KCNQ1: variants seen among roughly 807,000 people sequenced by gnomAD.
KCNQ1 encodes the protein potassium voltage-gated channel subfamily Q member 1, also known as potassium voltage-gated channel subfamily KQT member 1.
A neutral mutation model predicts 72.4 loss-of-function variants in KCNQ1; 49 were observed. That is an observed-to-expected ratio of 0.68 (90% CI 0.54 to 0.86). KCNQ1 has a LOEUF of 0.86. KCNQ1 is among the 40% of genes least tolerant of loss of function. KCNQ1 has a pLI of 0.00. For missense variants in KCNQ1, 790 were observed against 945.1 expected (o/e 0.84, Z 2.15); for synonymous variants, 450 against 412.6 (o/e 1.09, Z -1.10).
intron 10 of KCNQ1, chr11:2,609,041 T>C (rs1190856552): frequency 5.0e-6 from 2 of 396,740 alleles, no homozygotes; most frequent in Non-Finnish European, 8.8e-6. Flanking sequence ...TCTACTCTAA[T>C]ATTTATTATT....
chr11:2,592,364 C>T lies in KCNQ1; in HGVS notation c.1393+3510C>T, dbSNP rs1487870752. 6.6e-6 allele frequency among the ~76,000 whole-genome samples: 1 copy of T among 152,120 alleles called. No homozygotes were observed. Among genetic ancestry groups the T allele is most frequent in the Admixed American group, 6.5e-5 (1 of 15,284 alleles). ...GGGAGGCTGGGAAGGTAGAAGGTCC[C>T]CCATGGTAGCATCAGAACACAGACT... On this transcript the variant is annotated intron_variant, in intron 10 of 15. Coordinates refer to ENST00000155840, the MANE Select transcript of KCNQ1 (RefSeq NM_000218.3). The surrounding 1 kb of genome is among the most constrained non-coding windows in gnomAD (Gnocchi z 5.2).
rs1848627269 is a variant in KCNQ1 at position 2,588,624 on chromosome 11, CG to C, written c.1252-85del. On this transcript the variant is annotated intron_variant, in intron 9 of 15. Coordinates refer to ENST00000155840, the MANE Select transcript of KCNQ1 (RefSeq NM_000218.3). This position sits in a 1 kb window ranked among gnomAD's most constrained non-coding sequence, Gnocchi z 5.6. ...GGGTGTATGTGGCGGGGGCTGGGCT[CG>C]GGGCGGCTGCACAGGCACTCTGGGG... is the stretch of plus-strand genomic sequence containing the variant. 2.0e-6 allele frequency: 3 copies of C among 1,536,366 alleles called. No individual in the cohort carries two copies. The highest frequency in any genetic ancestry group is 1.1e-5 in the South Asian group (1 of 88,414).
chr11:2,684,576 G>A, intron 11 of KCNQ1: 1 of 398,636 alleles, frequency 2.5e-6, no homozygotes, highest in African/African-American at 2.1e-5. Flanking sequence ...TGACTTTCTG[G>A]CAGAGGAGAG....
intron 10 of KCNQ1, chr11:2,615,587 G>A: frequency 2.5e-6 from 1 of 397,878 alleles, no homozygotes; most frequent in East Asian, 3.6e-5. Context: ...TTTTTATCCT[G>A]AAAGGTTGTA....
chr11:2,680,399 A>AT (rs754610445), intron 11 of KCNQ1: 38 of 398,054 alleles, frequency 9.5e-5, no homozygotes, highest in Non-Finnish European at 1.5e-4. Context: ...ATCCTTCCAT[A>AT]TTTTTTTAGA....
chr11:2,778,897 C>T (rs951754555), intron 15 of KCNQ1, among the ~76,000 whole-genome samples: 6 of 151,912 alleles, frequency 3.9e-5, no homozygotes, highest in Non-Finnish European at 8.8e-5. Context: ...CAGCCCGGCC[C>T]AGGCTCCTGC....
At chr11:2,718,745 C>T (rs984242480) in intron 11 of KCNQ1, among the ~76,000 whole-genome samples, 31 of 152,218 alleles carry the variant, frequency 2.0e-4, no homozygotes, top group African/African-American at 7.2e-4. Context: ...TTAATGTCCA[C>T]GCTGGTGTTG....
rs918595487 is a variant in KCNQ1 at position 2,498,287 on chromosome 11, C to T, written c.387-29641C>T. Among the ~76,000 whole-genome samples the T allele has an allele frequency of 3.9e-5, 6 of 152,228 alleles. No individual in the cohort carries two copies. Among genetic ancestry groups the T allele is most frequent in the African/African-American group, 1.2e-4 (5 of 41,458 alleles). ...TTCAAGTCTGCTGAAGCTGTGCCCACAGCCACCCCTTCTCCAGGTGCTCTG... is the reference window on the plus strand; with the variant it reads ...TTCAAGTCTGCTGAAGCTGTGCCCATAGCCACCCCTTCTCCAGGTGCTCTG... On this transcript the variant is annotated intron_variant, in intron 1 of 15. Coordinates refer to ENST00000155840, the MANE Select transcript of KCNQ1 (RefSeq NM_000218.3). This position sits in a 1 kb window ranked among gnomAD's most constrained non-coding sequence, Gnocchi z 4.8.
chr11:2,741,739 C>T (rs563368069), intron 11 of KCNQ1, among the ~76,000 whole-genome samples: 5 of 152,346 alleles, frequency 3.3e-5, no homozygotes, highest in South Asian at 2.1e-4. Flanking sequence ...GGAGCACAGC[C>T]GGCCTCCTTG....
At chr11:2,633,397 T>C (rs759523770) in intron 10 of KCNQ1, 41 of 398,466 alleles carry the variant, frequency 1.0e-4, no homozygotes, top group Admixed American at 2.6e-4. Flanking sequence ...TTGTCTATTT[T>C]TGTTTTTGTT....
At chr11:2,454,334 C>T (rs983960313) in intron 1 of KCNQ1, among the ~76,000 whole-genome samples, 4 of 151,942 alleles carry the variant, frequency 2.6e-5, no homozygotes, top group Non-Finnish European at 4.4e-5. Context: ...AAAAGCTGTT[C>T]GTAATCGCTT....
intron 12 of KCNQ1, chr11:2,771,464 T>C (rs1344419338): frequency 1.3e-5 from 2 of 152,376 alleles, no homozygotes; most frequent in East Asian, 1.9e-4. Flanking sequence ...TGCAGCTCTC[T>C]GTAAGTTTGA....
At chr11:2,527,552 C>T (rs915697149) in intron 1 of KCNQ1, among the ~76,000 whole-genome samples, 2 of 152,242 alleles carry the variant, frequency 1.3e-5, no homozygotes, top group African/African-American at 4.8e-5. Flanking sequence ...GAAAACCCCA[C>T]GCCCACAGCA....
chr11:2,482,447 T>C lies in KCNQ1; in HGVS notation c.386+36963T>C, dbSNP rs1846666321. Reference sequence around the variant, plus strand: ...CCTAATTGACTGCTGTAAATAGCATTGTGATGCAAATCCTTGTACACTCAT... The same window carrying C: ...CCTAATTGACTGCTGTAAATAGCATCGTGATGCAAATCCTTGTACACTCAT... On this transcript the variant is annotated intron_variant, in intron 1 of 15. Coordinates refer to ENST00000155840, the MANE Select transcript of KCNQ1 (RefSeq NM_000218.3). This position sits in a 1 kb window ranked among gnomAD's most constrained non-coding sequence, Gnocchi z 5.7. 6.6e-6 allele frequency among the ~76,000 whole-genome samples: 1 copy of C among 152,206 alleles called. No homozygotes were observed. Among genetic ancestry groups the C allele is most frequent in the Admixed American group, 6.5e-5 (1 of 15,288 alleles).
chr11:2,683,075 G>A lies in KCNQ1; in HGVS notation c.1514+20994G>A, dbSNP rs957992896. The stretch of plus-strand genomic sequence containing the variant: ...CAGGCAAGGCTCTTGCTAGCCTGAG[G>A]ACCAGGAGCCTTCAGATTTTCTTGT... On this transcript the variant is annotated intron_variant, in intron 11 of 15. Transcript: ENST00000155840. This position sits in a 1 kb window ranked among gnomAD's most constrained non-coding sequence, Gnocchi z 4.7. 4 of 398,566 alleles carry A rather than the reference G, an allele frequency of 1.0e-5. No homozygotes were observed. Among genetic ancestry groups the A allele is most frequent in the East Asian group, 3.6e-5 (1 of 28,092 alleles). The allele number at this position is 398,566 out of a possible 1,614,324, so 24.7% of individuals were successfully genotyped here. A position where few individuals can be genotyped will look rare whatever the true frequency, so the allele number is the denominator to read the frequency against.
chr11:2,639,831 A>C (rs2133827562), intron 10 of KCNQ1: 1 of 152,716 alleles, frequency 6.5e-6, no homozygotes. Flanking sequence ...AGAGGCAGGC[A>C]GGCCTCCTTG....
At position 2,653,421 on chromosome 11, in the gene KCNQ1, ACAAGCTTAAG is replaced by A. The variant is rs2133845687; in HGVS notation, c.1394-8537_1394-8528del. On this transcript the variant is annotated intron_variant, in intron 10 of 15. Coordinates refer to ENST00000155840, the MANE Select transcript of KCNQ1 (RefSeq NM_000218.3). The surrounding 1 kb of genome is among the most constrained non-coding windows in gnomAD (Gnocchi z 5.3). ...AACAAATGATGGAACCCCAACTCAA[ACAAGCTTAAG>A]CACAAAAGGGACATTTTTTGGCTCA... is the stretch of plus-strand genomic sequence containing the variant. 2.5e-6 allele frequency: 1 copy of A among 398,674 alleles called. No individual in the cohort carries two copies. Among genetic ancestry groups the A allele is most frequent in the South Asian group, 1.3e-4 (1 of 7,858 alleles). 24.7% of individuals were successfully genotyped at this position (398,674 alleles called of 1,614,324 possible).
At chr11:2,487,418 T>A (rs528846504) in intron 1 of KCNQ1, among the ~76,000 whole-genome samples, 1 of 152,358 alleles carries the variant, frequency 6.6e-6, no homozygotes, top group South Asian at 2.1e-4. Flanking sequence ...AAAAGTGTCA[T>A]TGGGATTTTG....
rs1471269455 is a variant in KCNQ1, at chr11:2,620,185, G to A, written c.1393+31331G>A. 2.6e-5 allele frequency: 10 copies of A among 387,658 alleles called. No individual in the cohort carries two copies. The highest frequency in any genetic ancestry group is 4.5e-5 in the Admixed American group (1 of 22,232). 24.0% of individuals were successfully genotyped at this position (387,658 alleles called of 1,614,324 possible). A position where few individuals can be genotyped will look rare whatever the true frequency, so the allele number is the denominator to read the frequency against. ...CTGCATCCATGTTGCTGCAAAGGACGTAAGTTCATTCATGTATATATATAT... is the reference window on the plus strand; with the variant it reads ...CTGCATCCATGTTGCTGCAAAGGACATAAGTTCATTCATGTATATATATAT... On this transcript the variant is annotated intron_variant, in intron 10 of 15. Coordinates refer to ENST00000155840, the MANE Select transcript of KCNQ1 (RefSeq NM_000218.3). The surrounding 1 kb of genome is among the most constrained non-coding windows in gnomAD (Gnocchi z 4.5).
Sources: allele counts gnomAD v4.1 joint callset (sites outside exome capture counted in the v4.1 genomes callset), GRCh38; gene constraint gnomAD v4.1.1; non-coding constraint Gnocchi (gnomAD v3.1); transcripts MANE v1.5; gene names NCBI Gene and HGNC (gene_info 2026-07-23, HGNC 2026-07-21).